ATP12A: variants seen among roughly 807,000 people sequenced by gnomAD.
ATP12A encodes ATPase H+/K+ transporting non-gastric alpha2 subunit.
A neutral mutation model predicts 111.2 loss-of-function variants in ATP12A; 81 were observed. The observed-to-expected ratio is 0.73, with a 90% confidence interval of 0.61 to 0.88. ATP12A has a LOEUF of 0.88. Ranked by LOEUF, ATP12A falls within the 40% of genes least tolerant of loss-of-function variation. The pLI is 0.00. For synonymous variants in ATP12A, 498 were observed against 499.8 expected, an observed-to-expected ratio of 1.00 and a Z score of 0.05; for missense variants, 1,196 against 1,313.1, an observed-to-expected ratio of 0.91 and a Z score of 1.38.
Position 24,690,261 on chromosome 13 carries a change from T to A in ATP12A, c.547-77T>A, listed in dbSNP as rs947074799. The A allele has an allele frequency of 2.6e-5, 41 of 1,570,512 alleles. No homozygotes were observed. The East Asian group carries it at 8.3e-4, about 32-fold the overall frequency. On this transcript the variant is annotated intron_variant, in intron 5 of 22. Transcript: ENST00000381946. ...AAGTTCCAAGGCCTCTGTCCTGGGG[T>A]TCGGTGCGGCACAGACTTGGGGGAG...
intron 2 of ATP12A, 80 bp downstream of exon 2, chr13:24,681,800 C>T (rs1874446144): frequency 1.3e-6 from 2 of 1,535,398 alleles, no homozygotes; most frequent in Non-Finnish European, 1.8e-6. Context: ...CACCTCTTAC[C>T]ACAGACATTC....
intron 3 of ATP12A, among the ~76,000 whole-genome samples, chr13:24,686,020 CTTTCATTGG>C (rs780186224): frequency 5.4e-4 from 82 of 152,136 alleles, no homozygotes; most frequent in Non-Finnish European, 1.0e-3. Context: ...CATGGAGGTG[CTTTCATTGG>C]TTTTCAAAAG....
In ATP12A at chr13:24,702,020, T is replaced by C; in HGVS notation, c.1967T>C (p.Val656Ala). 1 of 1,614,218 alleles carries C rather than the reference T, an allele frequency of 6.2e-7. No homozygotes were observed. The highest frequency in any genetic ancestry group is 8.5e-7 in the Non-Finnish European group (1 of 1,180,044). The change falls in exon 14 of 23, where the codon GTG (valine) becomes GCG (alanine). Residue 656 changes from valine (V) to alanine (A), a missense_variant. Coordinates refer to ENST00000381946, the MANE Select transcript of ATP12A (RefSeq NM_001676.7). ...ATCATTTCAGCCAACAGTGAAACAG[T>C]GGAAGACATTGCACATCGCCTCAAC... ...VGIISANSET[V>A]EDIAHRLNIA...
chr13:24,708,961 G>GAAAGAAAGAAAGA (rs879357811), intron 17 of ATP12A, among the ~76,000 whole-genome samples: 10 of 118,286 alleles, frequency 8.5e-5, no homozygotes, highest in East Asian at 2.7e-4. Context: ...AAGAAAGAAA[G>GAAAGAAAGAAAGA]AAGGAAAGAG....
intron 2 of ATP12A, among the ~76,000 whole-genome samples, chr13:24,682,138 A>G (rs752485314): frequency 6.2e-3 from 210 of 33,970 alleles, no homozygotes; most frequent in East Asian, 9.6e-3. Flanking sequence ...TGTGGTGTGT[A>G]TATGTGTGTG....
At chr13:24,698,627 T>G (rs1436738283) in intron 11 of ATP12A, 31 bp from the exon 12 acceptor site, 19 of 1,603,460 alleles carry the variant, frequency 1.2e-5, no homozygotes, top group Non-Finnish European at 1.6e-5. Context: ...CACCTTTCTG[T>G]AAGTAACACG....
At chr13:24,687,170 A>G (rs1277859153) in intron 3 of ATP12A, among the ~76,000 whole-genome samples, 3 of 152,158 alleles carry the variant, frequency 2.0e-5, no homozygotes, top group Non-Finnish European at 2.9e-5. Context: ...CACAAAAATG[A>G]CCAAGACTGG....
intron 2 of ATP12A, among the ~76,000 whole-genome samples, chr13:24,682,987 G>T (rs550546310): frequency 9.2e-5 from 13 of 141,848 alleles, no homozygotes; most frequent in South Asian, 2.2e-4. Flanking sequence ...ACAGAGTTTC[G>T]CTCTTGTTGC....
rs1300259448 is a variant in ATP12A, at chr13:24,701,960, C to T, written c.1907C>T (p.Pro636Leu). 1 of 1,614,224 alleles carries T rather than the reference C, an allele frequency of 6.2e-7. No individual in the cohort carries two copies. Among genetic ancestry groups the T allele is most frequent in the Non-Finnish European group, 8.5e-7 (1 of 1,180,038 alleles). ...IKVIMVTGDHPITAKAIAKSV... is the reference protein window; with the variant it reads ...IKVIMVTGDHLITAKAIAKSV... Reference sequence around the variant, plus strand: ...GTTATTATGGTTACTGGTGATCATCCCATCACAGCCAAAGCTATTGCCAAG... The same window carrying T: ...GTTATTATGGTTACTGGTGATCATCTCATCACAGCCAAAGCTATTGCCAAG... The change falls in exon 14 of 23, where the codon CCC becomes CTC. Residue 636 changes from proline (P) to leucine (L), a missense_variant. Pro to Leu is a moderately conservative substitution (Grantham distance 98). Transcript: ENST00000381946.
At chr13:24,708,119 C>T (rs1020735440) in intron 17 of ATP12A, among the ~76,000 whole-genome samples, 1 of 152,214 alleles carries the variant, frequency 6.6e-6, no homozygotes, top group Non-Finnish European at 1.5e-5. Flanking sequence ...GATAATCTCA[C>T]AGCCACCTCT....
intron 14 of ATP12A, chr13:24,704,700 G>GAC (rs1451869654): frequency 8.7e-6 from 2 of 230,440 alleles, no homozygotes; most frequent in African/African-American, 2.3e-5. Flanking sequence ...ACGAGAGAAA[G>GAC]ACATAATCTT....
rs111990811 is a variant in ATP12A at position 24,701,799 on chromosome 13, G to C, written c.1882-136G>C. On this transcript the variant is annotated intron_variant, in intron 13 of 22. Transcript: ENST00000381946. Reference sequence around the variant, plus strand: ...TGTTTCCTCCAAAGACAGTTGTCTCGTAGATCCAGAGCTGCCACTGTAATC... The same window carrying C: ...TGTTTCCTCCAAAGACAGTTGTCTCCTAGATCCAGAGCTGCCACTGTAATC... The C allele has an allele frequency of 7.2e-3, 8,259 of 1,147,120 alleles. 386 individuals carry two copies. In the African/African-American group the frequency reaches 0.11, roughly 15 times the overall value. 71.1% of individuals were successfully genotyped at this position (1,147,120 alleles called of 1,614,324 possible).
At chr13:24,689,186 G>T (rs559072084) in intron 4 of ATP12A, 76 bp from the exon 5 acceptor site, 87 of 1,162,462 alleles carry the variant, frequency 7.5e-5, no homozygotes, top group Non-Finnish European at 1.0e-4. Context: ...GCATCCTCCC[G>T]TGGAGAGCTC....
rs768749384 is a variant in ATP12A at position 24,692,827 on chromosome 13, A to T, written c.1308A>T (p.Leu436Phe). The change falls in exon 10 of 23, where the codon TTA (leucine) becomes TTT (phenylalanine). Residue 436 changes from leucine (L) to phenylalanine (F), a missense_variant. Leu to Phe is a conservative substitution (Grantham distance 22). This residue lies in a region of ATP12A where 1,126 missense variants were observed against 1,228.5 expected (regional missense o/e 0.92). Coordinates refer to ENST00000381946, the MANE Select transcript of ATP12A (RefSeq NM_001676.7). ...FDQSSRTWAS[L>F]SKIITLCNRA... is the part of the protein sequence containing the mutation. ...AAAGCTCTAGGACTTGGGCCTCCTT[A>T]TCCAAGATAATAACATTGTGTAACC... 1.2e-6 allele frequency: 2 copies of T among 1,614,186 alleles called. No homozygotes were observed.
Position 24,690,787 on chromosome 13 carries a change from G to A in ATP12A, c.799+66G>A, listed in dbSNP as rs1037891724. The A allele has an allele frequency of 5.9e-6, 9 of 1,513,014 alleles. No individual in the cohort carries two copies. The African/African-American group carries it at 6.9e-5, about 12-fold the overall frequency. The allele number at this position is 1,513,014 out of a possible 1,614,324, so 93.7% of individuals were successfully genotyped here. ...TCCTTTCTCCCTCCTGGGCTCTCAG[G>A]TCTGTCCTTTGCCACACCCCGTTAC... On this transcript the variant is annotated intron_variant, in intron 7 of 22. Transcript: ENST00000381946.
intron 21 of ATP12A, 76 bp downstream of exon 21, chr13:24,710,969 G>T: frequency 7.6e-7 from 1 of 1,308,072 alleles, no homozygotes. Flanking sequence ...TAAACCTGAG[G>T]ATTCCCAGGG....
chr13:24,704,188 G>C (rs1194052905), intron 14 of ATP12A: 1 of 152,206 alleles, frequency 6.6e-6, no homozygotes, highest in Admixed American at 6.5e-5. Context: ...AGTAGAGACG[G>C]GGTTTCACGA....
chr13:24,708,886 G>GAGAA (rs200280838), intron 17 of ATP12A, among the ~76,000 whole-genome samples: 1 of 92,326 alleles, frequency 1.1e-5, no homozygotes, highest in Non-Finnish European at 2.5e-5. Flanking sequence ...GAGAGAGAAA[G>GAGAA]AGAAAGAAAG....
In ATP12A at chr13:24,680,695, T is replaced by G. The variant is rs1874396355; in HGVS notation, c.-49T>G. ...CCCACCGTGCGCTCCGCCGCTGCGGTCCCGGATCCGCGCTCCACGCCCGCA... is the reference window on the plus strand; with the variant it reads ...CCCACCGTGCGCTCCGCCGCTGCGGGCCCGGATCCGCGCTCCACGCCCGCA... On this transcript the variant is annotated 5_prime_UTR_variant, in exon 1 of 23. Transcript: ENST00000381946. 2 of 1,500,664 alleles carry G rather than the reference T, an allele frequency of 1.3e-6. No homozygotes were observed. Among genetic ancestry groups the G allele is most frequent in the Non-Finnish European group, 1.8e-6 (2 of 1,132,104 alleles). 93.0% of individuals were successfully genotyped at this position (1,500,664 alleles called of 1,614,324 possible).
Sources: allele counts gnomAD v4.1 joint callset (sites outside exome capture counted in the v4.1 genomes callset), GRCh38; gene constraint gnomAD v4.1.1; regional missense constraint gnomAD v4.1.1; transcripts MANE v1.5; gene names NCBI Gene and HGNC (gene_info 2026-07-23, HGNC 2026-07-21).